Variants in TGFB2 observed in about 807,000 individuals in gnomAD.
TGFB2 encodes transforming growth factor beta-2 proprotein.
A neutral mutation model predicts 42.7 loss-of-function variants in TGFB2; 13 were observed. The ratio of observed to expected loss-of-function variants is 0.30; its 90% confidence interval spans 0.20 to 0.48. TGFB2 has a LOEUF of 0.48. Ranked by LOEUF, TGFB2 falls within the 20% of genes least tolerant of loss-of-function variation. TGFB2 has a pLI of 0.99. For synonymous variants in TGFB2, 193 were observed against 193.6 expected (o/e 1.00, Z 0.03); for missense variants, 390 against 517.5 (o/e 0.75, Z 2.39).
At chr1:218,408,533 C>T (rs1461246778) in intron 2 of TGFB2, among the ~76,000 whole-genome samples, 1 of 152,136 alleles carries the variant, frequency 6.6e-6, no homozygotes, top group East Asian at 1.9e-4. Flanking sequence ...ATTTTTTTAT[C>T]TTTCTGGGGC....
intron 1 of TGFB2, chr1:218,363,294 C>A: frequency 1.3e-6 from 2 of 1,529,510 alleles, no homozygotes; most frequent in Non-Finnish European, 1.8e-6. Context: ...GGCATCTCTT[C>A]AGTAAAATAG....
chr1:218,441,404 G>C lies in TGFB2; in HGVS notation c.*42G>C, dbSNP rs749872228. On this transcript the variant is annotated 3_prime_UTR_variant, in exon 7 of 7. Transcript: ENST00000366930. ...GCAAGACCAAAATGACAATGATGAT[G>C]ATAATGATGATGACGACGACAACGA... 6.4e-7 allele frequency: 1 copy of C among 1,564,688 alleles called. No homozygotes were observed. The highest frequency in any genetic ancestry group is 8.6e-7 in the Non-Finnish European group (1 of 1,157,254).
intron 1 of TGFB2, among the ~76,000 whole-genome samples, chr1:218,397,542 C>T (rs1658562254): frequency 7.4e-6 from 1 of 135,228 alleles, no homozygotes; most frequent in Non-Finnish European, 1.5e-5. Context: ...CCAACCTGTG[C>T]AACAGAGCGA....
intron 1 of TGFB2, among the ~76,000 whole-genome samples, chr1:218,387,017 A>C (rs972499605): frequency 6.6e-6 from 1 of 152,206 alleles, no homozygotes; most frequent in African/African-American, 2.4e-5. Flanking sequence ...AAGTGCCAGG[A>C]TGCAAAGAAT....
chr1:218,377,234 G>A (rs1443359912), intron 1 of TGFB2, among the ~76,000 whole-genome samples: 1 of 152,176 alleles, frequency 6.6e-6, no homozygotes, highest in Non-Finnish European at 1.5e-5. Flanking sequence ...AGAACAACGT[G>A]TATTTCTTAA....
rs1571909940 is a variant in TGFB2, at chr1:218,443,745, C to T, written c.*2383C>T. ...TTTTAATTTGGGGGTTCTGTAAGGT[C>T]TTTATTTCCCATAAGTAAATATTGC... is the stretch of plus-strand genomic sequence containing the variant. On this transcript the variant is annotated 3_prime_UTR_variant, in exon 7 of 7. Coordinates refer to ENST00000366930, the MANE Select transcript of TGFB2 (RefSeq NM_003238.6). The T allele has an allele frequency of 2.1e-5, 3 of 141,976 alleles. No individual in the cohort carries two copies. The highest frequency in any genetic ancestry group is 2.6e-5 in the African/African-American group (1 of 37,876). The allele number at this position is 141,976 out of a possible 1,614,324, so 8.8% of individuals were successfully genotyped here. A position where few individuals can be genotyped will look rare whatever the true frequency, so the allele number is the denominator to read the frequency against.
At chr1:218,391,592 C>T (rs1003731521) in intron 1 of TGFB2, among the ~76,000 whole-genome samples, 1 of 152,204 alleles carries the variant, frequency 6.6e-6, no homozygotes, top group African/African-American at 2.4e-5. Flanking sequence ...AGGCTCACCA[C>T]ATCAGACTTC....
intron 1 of TGFB2, among the ~76,000 whole-genome samples, chr1:218,378,276 A>C (rs889338116): frequency 6.6e-6 from 1 of 152,166 alleles, no homozygotes; most frequent in African/African-American, 2.4e-5. Context: ...TCCCGGGTTC[A>C]TGTGATTCTC....
intron 1 of TGFB2, among the ~76,000 whole-genome samples, chr1:218,397,721 T>C (rs1658572290): frequency 6.6e-6 from 1 of 152,214 alleles, no homozygotes; most frequent in Non-Finnish European, 1.5e-5. Flanking sequence ...ATCCATACTC[T>C]TTAAGAAAGA....
At chr1:218,361,260 T>C (rs894306971) in intron 1 of TGFB2, among the ~76,000 whole-genome samples, 1 of 152,184 alleles carries the variant, frequency 6.6e-6, no homozygotes, top group African/African-American at 2.4e-5. Flanking sequence ...AGGCATTGGA[T>C]CAGCACCAGA....
At position 218,366,738 on chromosome 1, in the gene TGFB2, A is replaced by G. The variant is rs1353822196; in HGVS notation, c.346+19691A>G. ...GTGGGTGGAGCTGAGGACTCTGCAC[A>G]TTTTAAACAGGCACTGCAGGTGCTT... On this transcript the variant is annotated intron_variant, in intron 1 of 6. Transcript: ENST00000366930. 2.6e-5 allele frequency among the ~76,000 whole-genome samples: 4 copies of G among 152,324 alleles called. No homozygotes were observed. In the East Asian group the frequency reaches 7.7e-4, roughly 29 times the overall value.
chr1:218,392,767 T>G (rs1658359879), intron 1 of TGFB2, among the ~76,000 whole-genome samples: 1 of 152,238 alleles, frequency 6.6e-6, no homozygotes, highest in Admixed American at 6.5e-5. Context: ...TCTCTAAAAC[T>G]GGATAATCCA....
chr1:218,421,906 G>A (rs1659466658), intron 2 of TGFB2, among the ~76,000 whole-genome samples: 3 of 152,156 alleles, frequency 2.0e-5, no homozygotes, highest in Non-Finnish European at 4.4e-5. Flanking sequence ...AAAATTGCCA[G>A]CAAACCACCA....
At chr1:218,373,407 A>G (rs1175322698) in intron 1 of TGFB2, among the ~76,000 whole-genome samples, 1 of 151,854 alleles carries the variant, frequency 6.6e-6, no homozygotes, top group Non-Finnish European at 1.5e-5. Context: ...TAATATGACT[A>G]ATATGATTAG....
At chr1:218,354,209 T>A (rs1656958604) in intron 1 of TGFB2, among the ~76,000 whole-genome samples, 1 of 152,158 alleles carries the variant, frequency 6.6e-6, no homozygotes, top group Non-Finnish European at 1.5e-5. Context: ...CTTTACAGAA[T>A]GAGATTGAAC....
rs1187966312 is a variant in TGFB2 at position 218,414,347 on chromosome 1, G to A, written c.510+9015G>A. Among the ~76,000 whole-genome samples the A allele has an allele frequency of 3.3e-5, 5 of 152,002 alleles. No homozygotes were observed. The East Asian group carries it at 9.6e-4, about 29-fold the overall frequency. The stretch of plus-strand genomic sequence containing the variant: ...AAAAACTGTCTGTTAAATTAGACTT[G>A]CAAAAATGCTACTGACAAACAAACA... On this transcript the variant is annotated intron_variant, in intron 2 of 6. Coordinates refer to ENST00000366930, the MANE Select transcript of TGFB2 (RefSeq NM_003238.6).
intron 2 of TGFB2, among the ~76,000 whole-genome samples, chr1:218,408,115 G>T (rs529074153): frequency 2.0e-5 from 3 of 152,242 alleles, no homozygotes; most frequent in African/African-American, 7.2e-5. Context: ...TCAGTAAATT[G>T]GAGGCAGGGT....
Position 218,444,365 on chromosome 1 carries a change from A to C in TGFB2, c.*3003A>C, listed in dbSNP as rs1180782930. The C allele has an allele frequency of 6.6e-6, 1 of 152,206 alleles. No individual in the cohort carries two copies. The highest frequency in any genetic ancestry group is 1.5e-5 in the Non-Finnish European group (1 of 68,058). The allele number at this position is 152,206 out of a possible 1,614,324, so 9.4% of individuals were successfully genotyped here. ...CAGGGCCAAAAGAACTGGTCTAGAC[A>C]GTATCCCCTGTAGCCCCATAACTTG... On this transcript the variant is annotated 3_prime_UTR_variant, in exon 7 of 7. Transcript: ENST00000366930.
At chr1:218,428,039 G>A (rs1437922994) in intron 2 of TGFB2, among the ~76,000 whole-genome samples, 4 of 152,206 alleles carry the variant, frequency 2.6e-5, no homozygotes, top group Non-Finnish European at 5.9e-5. Context: ...ACTGGTGTGA[G>A]ATGGTATCTC....
Sources: allele counts gnomAD v4.1 joint callset (sites outside exome capture counted in the v4.1 genomes callset), GRCh38; gene constraint gnomAD v4.1.1; transcripts MANE v1.5; gene names NCBI Gene and HGNC (gene_info 2026-07-23, HGNC 2026-07-21).